NLGN1: variants seen among roughly 807,000 people sequenced by gnomAD.
NLGN1 encodes neuroligin 1, also known as neuroligin-1.
A neutral mutation model predicts 65.5 loss-of-function variants in NLGN1; 12 were observed. The ratio of observed to expected loss-of-function variants is 0.18; its 90% CI spans 0.12 to 0.30. The LOEUF (loss-of-function observed/expected upper bound fraction) is 0.30, where lower values mean the gene tolerates loss of function less well. Among genes scored for constraint, NLGN1 ranks in the 10% least tolerant of loss-of-function variants. The pLI is 1.00. For missense variants in NLGN1, 750 were observed against 1,007.1 expected (o/e 0.74, Z 3.46); for synonymous variants, 350 against 359.5 (o/e 0.97, Z 0.30).
intron 4 of NLGN1, among the ~76,000 whole-genome samples, chr3:174,128,699 G>A (rs1401249291): frequency 1.3e-5 from 2 of 152,090 alleles, no homozygotes; most frequent in Non-Finnish European, 2.9e-5. Context: ...CTTGTAACTT[G>A]TCCATTTCGG....
At chr3:173,614,124 C>T (rs767489884) in intron 3 of NLGN1, among the ~76,000 whole-genome samples, 1 of 151,526 alleles carries the variant, frequency 6.6e-6, no homozygotes, top group Non-Finnish European at 1.5e-5. Flanking sequence ...ATTTTCTTTT[C>T]TCCAAAAGGT....
At chr3:174,268,062 G>T (rs1325713880) in intron 4 of NLGN1, among the ~76,000 whole-genome samples, 1 of 152,014 alleles carries the variant, frequency 6.6e-6, no homozygotes. Flanking sequence ...GAAGTATATA[G>T]TTCCTGAGGA....
intron 4 of NLGN1, among the ~76,000 whole-genome samples, chr3:174,133,893 A>AACACACACACACATACAC (rs1720692891): frequency 1.4e-5 from 2 of 144,804 alleles, no homozygotes; most frequent in African/African-American, 2.6e-5. Context: ...CACCCCACAA[A>AACACACACACACATACAC]ACACACACAC....
chr3:173,913,515 AG>A (rs1740071853), intron 4 of NLGN1, among the ~76,000 whole-genome samples: 1 of 152,192 alleles, frequency 6.6e-6, no homozygotes, highest in African/African-American at 2.4e-5. Context: ...CTGACAGCCC[AG>A]GAACGAGTGA....
At chr3:174,047,220 TG>T (rs1177333400) in intron 4 of NLGN1, among the ~76,000 whole-genome samples, 1 of 152,016 alleles carries the variant, frequency 6.6e-6, no homozygotes, top group Non-Finnish European at 1.5e-5. Flanking sequence ...ATATACTGGT[TG>T]CATTAATAGT....
At chr3:173,539,804 A>AACACACATATATG (rs1738454799) in intron 2 of NLGN1, among the ~76,000 whole-genome samples, 1 of 117,638 alleles carries the variant, frequency 8.5e-6, no homozygotes, top group African/African-American at 3.8e-5. Flanking sequence ...ATACATATAT[A>AACACACATATATG]TACATATATA....
rs1737518276 is a variant in NLGN1 at position 173,536,841 on chromosome 3, G to A, written c.-320-67438G>A. Among the ~76,000 whole-genome samples, 3 of 152,190 alleles carry A rather than the reference G, an allele frequency of 2.0e-5. No individual in the cohort carries two copies. In the South Asian group the frequency reaches 6.2e-4, roughly 32 times the overall value. ...CTCACATGATTATAGAGGCTGACAT[G>A]TCCTAACATCTGAAGCCAGCAAGTT... On this transcript the variant is annotated intron_variant, in intron 2 of 6. Transcript: ENST00000457714.
chr3:173,604,276 TAGGA>T lies in NLGN1; in HGVS notation c.-320-2_-319del. On this transcript the variant is annotated splice_acceptor_variant and 5_prime_UTR_variant, in exon 3 of 7. Coordinates refer to ENST00000457714, the Ensembl canonical transcript of NLGN1. LOFTEE classifies it low-confidence loss of function (5UTR_SPLICE). Reference sequence around the variant, plus strand: ...GCTCATGATTTATTTTCATTTTTTCTAGGATATAGACCTGCAGCTAACTGGATTT... The same window carrying T: ...GCTCATGATTTATTTTCATTTTTTCTTATAGACCTGCAGCTAACTGGATTT... The T allele has an allele frequency of 3.6e-6, 1 of 279,128 alleles. No homozygotes were observed. Among genetic ancestry groups the T allele is most frequent in the Non-Finnish European group, 6.8e-6 (1 of 147,888 alleles). The allele number at this position is 279,128 out of a possible 1,614,324, so 17.3% of individuals were successfully genotyped here.
chr3:173,433,510 AG>A (rs961020441), intron 1 of NLGN1, among the ~76,000 whole-genome samples: 1 of 152,326 alleles, frequency 6.6e-6, no homozygotes, highest in East Asian at 1.9e-4. Flanking sequence ...AAGAAGGAAA[AG>A]GGAAGAGGGC....
chr3:173,682,365 G>A (rs1298520193), intron 3 of NLGN1, among the ~76,000 whole-genome samples: 1 of 151,994 alleles, frequency 6.6e-6, no homozygotes, highest in Non-Finnish European at 1.5e-5. Flanking sequence ...TGAAGAGGGT[G>A]GATCACGAGG....
At chr3:174,287,346 A>G (rs1281203149), downstream of NLGN1, among the ~76,000 whole-genome samples, 1 of 151,416 alleles carries the variant, frequency 6.6e-6, no homozygotes, top group African/African-American at 2.4e-5. Context: ...AATGTTTCCA[A>G]TGGCTGAATA....
intron 4 of NLGN1, among the ~76,000 whole-genome samples, chr3:174,095,562 G>A (rs901256001): frequency 6.6e-6 from 1 of 151,434 alleles, no homozygotes; most frequent in Admixed American, 6.6e-5. Flanking sequence ...ACGTGTGTAT[G>A]TATGTATGTA....
intron 2 of NLGN1, among the ~76,000 whole-genome samples, chr3:173,516,129 G>C (rs1291121482): frequency 6.6e-6 from 1 of 151,960 alleles, no homozygotes; most frequent in Non-Finnish European, 1.5e-5. Context: ...CATCTTGGGT[G>C]CTTCTAAAAA....
chr3:174,127,019 T>G (rs1312493894), intron 4 of NLGN1, among the ~76,000 whole-genome samples: 1 of 152,122 alleles, frequency 6.6e-6, no homozygotes, highest in Non-Finnish European at 1.5e-5. Flanking sequence ...GTAGGGTATA[T>G]CTCACCATTT....
At chr3:174,210,247 T>G (rs1736207093) in intron 4 of NLGN1, among the ~76,000 whole-genome samples, 1 of 152,214 alleles carries the variant, frequency 6.6e-6, no homozygotes, top group Non-Finnish European at 1.5e-5. Context: ...TATCACTATC[T>G]GAATTTACCA....
At chr3:174,100,573 C>T (rs1187999711) in intron 4 of NLGN1, among the ~76,000 whole-genome samples, 1 of 152,088 alleles carries the variant, frequency 6.6e-6, no homozygotes, top group East Asian at 1.9e-4. Context: ...TCCCCTCACC[C>T]CATCACTTCA....
intron 3 of NLGN1, among the ~76,000 whole-genome samples, chr3:173,794,086 T>A (rs565933564): frequency 1.1e-4 from 16 of 152,028 alleles, no homozygotes; most frequent in Non-Finnish European, 2.4e-4. Flanking sequence ...CCCCGAAATC[T>A]TCTTTCCACC....
At chr3:174,243,548 A>C (rs1383746136) in intron 4 of NLGN1, among the ~76,000 whole-genome samples, 1 of 152,168 alleles carries the variant, frequency 6.6e-6, no homozygotes, top group Non-Finnish European at 1.5e-5. Flanking sequence ...CAAAATCTTA[A>C]AAATTCCCCT....
intron 4 of NLGN1, among the ~76,000 whole-genome samples, chr3:174,193,937 A>G (rs965494834): frequency 1.3e-5 from 2 of 152,170 alleles, no homozygotes; most frequent in Non-Finnish European, 1.5e-5. Flanking sequence ...TTAAAAGCCA[A>G]TAGTCACTGC....
Sources: allele counts gnomAD v4.1 joint callset (sites outside exome capture counted in the v4.1 genomes callset), GRCh38; gene constraint gnomAD v4.1.1; transcripts MANE v1.5; gene names NCBI Gene and HGNC (gene_info 2026-07-23, HGNC 2026-07-21).